Variants in KPNA3 observed in about 807,000 individuals in gnomAD.
The protein encoded by KPNA3 is karyopherin subunit alpha 3, also known as importin subunit alpha-4.
Under a neutral mutation model 73.8 loss-of-function variants are expected in KPNA3, and 13 were observed. The observed-to-expected ratio is 0.18, with a 90% CI of 0.11 to 0.28. The LOEUF is 0.28. Among genes scored for constraint, KPNA3 ranks in the 10% least tolerant of loss-of-function variants. The pLI, the probability that KPNA3 is intolerant of heterozygous loss-of-function variation, is 1.00. For synonymous variants in KPNA3, 186 were observed against 206.9 expected, an observed-to-expected ratio of 0.90 and a Z score of 0.87; for missense variants, 360 against 618.1, an observed-to-expected ratio of 0.58 and a Z score of 4.43.
intron 9 of KPNA3, among the ~76,000 whole-genome samples, chr13:49,721,423 CA>C (rs1398456635): frequency 2.6e-5 from 4 of 151,834 alleles, no homozygotes; most frequent in Non-Finnish European, 5.9e-5. Flanking sequence ...TGCAGATAAT[CA>C]AAAAAATAGG....
intron 1 of KPNA3, among the ~76,000 whole-genome samples, chr13:49,766,230 C>T (rs887820655): frequency 1.3e-5 from 2 of 152,162 alleles, no homozygotes; most frequent in African/African-American, 4.8e-5. Context: ...ATATTAAATG[C>T]CATTACTTTT....
intron 7 of KPNA3, among the ~76,000 whole-genome samples, chr13:49,724,559 G>A (rs531210754): frequency 1.2e-4 from 19 of 152,022 alleles, no homozygotes; most frequent in African/African-American, 4.6e-4. Flanking sequence ...CACCCGCCTC[G>A]GCCTCCCAAA....
At chr13:49,707,441 T>C (rs1954218225) in intron 12 of KPNA3, among the ~76,000 whole-genome samples, 3 of 152,194 alleles carry the variant, frequency 2.0e-5, no homozygotes, top group Admixed American at 6.5e-5. Flanking sequence ...GGGAAGAAAA[T>C]CAAGTTGGTA....
chr13:49,751,214 C>T (rs1271209912), intron 1 of KPNA3, among the ~76,000 whole-genome samples: 1 of 152,138 alleles, frequency 6.6e-6, no homozygotes, highest in South Asian at 2.1e-4. Context: ...AGATCCCCCA[C>T]ATCTCCTCTC....
chr13:49,725,276 A>G (rs968534283), intron 7 of KPNA3, 140 bp downstream of exon 7: 3 of 450,056 alleles, frequency 6.7e-6, no homozygotes, highest in African/African-American at 6.1e-5. Context: ...ACGGCTATGA[A>G]AAAGATATCG....
intron 6 of KPNA3, among the ~76,000 whole-genome samples, chr13:49,728,226 C>T (rs1314635648): frequency 6.9e-6 from 1 of 145,062 alleles, no homozygotes; most frequent in Non-Finnish European, 1.5e-5. Context: ...CAGAGCGAGA[C>T]TCTGTCTCAA....
chr13:49,714,640 T>C (rs191076029), intron 10 of KPNA3, among the ~76,000 whole-genome samples: 190 of 152,220 alleles, frequency 1.2e-3, no homozygotes, highest in African/African-American at 4.5e-3. Flanking sequence ...TCAGACAGAC[T>C]TGATGCTATA....
rs554504290 is a variant in KPNA3, at chr13:49,772,617, A to G, written c.69+19821T>C. ...CAGGAGTTCCAGACCAGCCTGGCCA[A>G]CGTGGTGAAACCCCATCTCTACTAA... On this transcript the variant is annotated intron_variant, in intron 1 of 16. Coordinates refer to ENST00000261667, the MANE Select transcript of KPNA3 (RefSeq NM_002267.4). 2.0e-5 allele frequency among the ~76,000 whole-genome samples: 3 copies of G among 152,184 alleles called. No individual in the cohort carries two copies. In the East Asian group the frequency reaches 5.8e-4, roughly 29 times the overall value.
At chr13:49,783,943 C>CT (rs1436653770) in intron 1 of KPNA3, among the ~76,000 whole-genome samples, 1 of 152,146 alleles carries the variant, frequency 6.6e-6, no homozygotes, top group African/African-American at 2.4e-5. Flanking sequence ...TGAAGCTAAT[C>CT]AAGACTTTAA....
chr13:49,769,313 A>G (rs1309361074), intron 1 of KPNA3, among the ~76,000 whole-genome samples: 1 of 152,196 alleles, frequency 6.6e-6, no homozygotes, highest in African/African-American at 2.4e-5. Flanking sequence ...CCACGCCATA[A>G]AATTTATCCT....
chr13:49,735,643 G>A (rs1377080995), intron 2 of KPNA3, among the ~76,000 whole-genome samples: 1 of 152,104 alleles, frequency 6.6e-6, no homozygotes, highest in African/African-American at 2.4e-5. Context: ...GGGGTTATGG[G>A]AACTTACCTA....
chr13:49,757,080 T>C (rs1954717755), intron 1 of KPNA3, among the ~76,000 whole-genome samples: 1 of 152,064 alleles, frequency 6.6e-6, no homozygotes, highest in Non-Finnish European at 1.5e-5. Context: ...CTATAAACTT[T>C]TAGGAAAAAC....
chr13:49,746,322 C>T (rs572069184), intron 2 of KPNA3, among the ~76,000 whole-genome samples: 2 of 150,730 alleles, frequency 1.3e-5, no homozygotes, highest in East Asian at 3.9e-4. Context: ...TGGTGGTGTG[C>T]CTGTATTCAC....
At chr13:49,758,796 T>C (rs1954734299) in intron 1 of KPNA3, among the ~76,000 whole-genome samples, 1 of 151,908 alleles carries the variant, frequency 6.6e-6, no homozygotes, top group Admixed American at 6.5e-5. Flanking sequence ...ACACACAAAA[T>C]TTTGTTTTAA....
intron 10 of KPNA3, among the ~76,000 whole-genome samples, chr13:49,717,795 A>G (rs532016549): frequency 1.6e-4 from 25 of 152,334 alleles, no homozygotes; most frequent in Non-Finnish European, 2.8e-4. Context: ...AACTATGAAC[A>G]CTATAATCTT....
intron 10 of KPNA3, among the ~76,000 whole-genome samples, chr13:49,715,584 G>A (rs74965049): frequency 0.022 from 3,287 of 152,102 alleles, 49 homozygotes; most frequent in South Asian, 0.03. Context: ...TAAAGGAGTC[G>A]AAAAATGTCA....
intron 1 of KPNA3, among the ~76,000 whole-genome samples, chr13:49,791,679 A>G (rs1371704336): frequency 2.0e-5 from 3 of 151,972 alleles, no homozygotes; most frequent in African/African-American, 7.3e-5. Flanking sequence ...TAAGAAAACA[A>G]GTCCTATGAG....
chr13:49,715,366 G>A (rs1016832272), intron 10 of KPNA3, among the ~76,000 whole-genome samples: 3 of 152,010 alleles, frequency 2.0e-5, no homozygotes, highest in South Asian at 2.1e-4. Flanking sequence ...TAGTCTGTTC[G>A]CAAAGATACA....
chr13:49,740,272 T>C (rs4942863), intron 2 of KPNA3, among the ~76,000 whole-genome samples: 128,397 of 151,906 alleles, frequency 0.85, 54,506 homozygotes, highest in East Asian at 1. Flanking sequence ...AATTAACACA[T>C]GCATTACCTT....
Sources: gnomAD v4.1 joint callset for allele counts (sites outside exome capture counted in the v4.1 genomes callset) on GRCh38, gnomAD v4.1.1 for gene constraint, MANE v1.5 for transcripts, NCBI Gene and HGNC (gene_info 2026-07-23, HGNC 2026-07-21) for gene names.